OSBPL3: variants seen among roughly 807,000 people sequenced by gnomAD.
OSBPL3 encodes oxysterol-binding protein-related protein 3.
Under a neutral mutation model 120.1 loss-of-function variants are expected in OSBPL3, and 65 were observed. The observed-to-expected ratio is 0.54, with a 90% CI of 0.44 to 0.67. The LOEUF is 0.67. Ranked by LOEUF, OSBPL3 falls within the 30% of genes least tolerant of loss-of-function variation. OSBPL3 has a pLI of 0.00. For missense variants in OSBPL3, 1,004 were observed against 1,082.1 expected (o/e 0.93, Z 1.01); for synonymous variants, 416 against 402.6 (o/e 1.03, Z -0.40).
At chr7:24,941,013 G>C (rs1813039245) in intron 1 of OSBPL3, among the ~76,000 whole-genome samples, 1 of 152,004 alleles carries the variant, frequency 6.6e-6, no homozygotes, top group Non-Finnish European at 1.5e-5. Flanking sequence ...TAGAGACGGG[G>C]TTTCACCATG....
At position 24,873,602 on chromosome 7, in the gene OSBPL3, T is replaced by A. The variant is rs575131789; in HGVS notation, c.97-1533A>T. On this transcript the variant is annotated intron_variant, in intron 2 of 22. Coordinates refer to ENST00000313367, the MANE Select transcript of OSBPL3 (RefSeq NM_015550.4). The surrounding 1 kb of genome is among the most constrained non-coding windows in gnomAD (Gnocchi z 4.1). The stretch of plus-strand genomic sequence containing the variant: ...CTTTTAAATTAGAGGATTTTTTTTT[T>A]AAGGAAGGTAGCAATGTTGAATGAG... 3.3e-5 allele frequency among the ~76,000 whole-genome samples: 5 copies of A among 152,214 alleles called. No individual in the cohort carries two copies. The East Asian group carries it at 9.6e-4, about 29-fold the overall frequency.
rs2128101790 is a variant in OSBPL3 at position 24,805,147 on chromosome 7, A to G, written c.2445-710T>C. 6.6e-6 allele frequency among the ~76,000 whole-genome samples: 1 copy of G among 152,332 alleles called. No homozygotes were observed. Among genetic ancestry groups the G allele is most frequent in the Middle Eastern group, 3.4e-3 (1 of 294 alleles). ...GGATGAAAGGGTGAGTGTGTAATTTATATATTACTGAACTGCCCTTTATGG... is the reference window on the plus strand; with the variant it reads ...GGATGAAAGGGTGAGTGTGTAATTTGTATATTACTGAACTGCCCTTTATGG... On this transcript the variant is annotated intron_variant, in intron 21 of 22. Coordinates refer to ENST00000313367, the MANE Select transcript of OSBPL3 (RefSeq NM_015550.4). This position sits in a 1 kb window ranked among gnomAD's most constrained non-coding sequence, Gnocchi z 4.0.
At chr7:24,846,922 G>A (rs764611698) in intron 12 of OSBPL3, among the ~76,000 whole-genome samples, 1 of 152,098 alleles carries the variant, frequency 6.6e-6, no homozygotes, top group Non-Finnish European at 1.5e-5. Context: ...AATTAGCTGG[G>A]CATGGTGGCA....
rs1806827314 is a variant in OSBPL3 at position 24,900,485 on chromosome 7, G to A, written c.-149-7864C>T. On this transcript the variant is annotated intron_variant, in intron 1 of 22. Transcript: ENST00000313367. This position sits in a 1 kb window ranked among gnomAD's most constrained non-coding sequence, Gnocchi z 4.5. Reference sequence around the variant, plus strand: ...AGAACTTATCAATGAAGATACATGAGGACTTAGTGTACATTTGTCAGGGAT... The same window carrying A: ...AGAACTTATCAATGAAGATACATGAAGACTTAGTGTACATTTGTCAGGGAT... 6.6e-6 allele frequency among the ~76,000 whole-genome samples: 1 copy of A among 152,268 alleles called. No homozygotes were observed. Among genetic ancestry groups the A allele is most frequent in the South Asian group, 2.1e-4 (1 of 4,828 alleles).
intron 1 of OSBPL3, among the ~76,000 whole-genome samples, chr7:24,901,181 G>A (rs1225135741): frequency 3.3e-5 from 5 of 152,038 alleles, no homozygotes; most frequent in Non-Finnish European, 7.4e-5. Flanking sequence ...ACAAACATTA[G>A]CCGGGCACAG....
chr7:24,930,107 G>A lies in OSBPL3; in HGVS notation c.-149-37486C>T, dbSNP rs1177036924. Among the ~76,000 whole-genome samples the A allele has an allele frequency of 6.6e-6, 1 of 152,138 alleles. No individual in the cohort carries two copies. The highest frequency in any genetic ancestry group is 6.5e-5 in the Admixed American group (1 of 15,268). On this transcript the variant is annotated intron_variant, in intron 1 of 22. Coordinates refer to ENST00000313367, the MANE Select transcript of OSBPL3 (RefSeq NM_015550.4). This position sits in a 1 kb window ranked among gnomAD's most constrained non-coding sequence, Gnocchi z 4.4. ...AAAACTTTAGGAGTTAGAAGAAAGG[G>A]TAACTAATGATTTTTTAAGAGGTTA...
At chr7:24,875,148 G>A (rs1302625773) in intron 2 of OSBPL3, among the ~76,000 whole-genome samples, 1 of 152,216 alleles carries the variant, frequency 6.6e-6, no homozygotes, top group African/African-American at 2.4e-5. Context: ...AAAATCACTT[G>A]AGCATGGAAC....
chr7:24,852,583 TTC>T lies in OSBPL3; in HGVS notation c.1077_1078del (p.Lys360ThrfsTer35). ...ATCCTGCTCCATCAGCTGCTTCAGT[TTC>T]TCTCTCTCCGCTGACATGATATTAA... is the stretch of plus-strand genomic sequence containing the variant. On this transcript the variant is annotated frameshift_variant, in exon 11 of 23. Coordinates refer to ENST00000313367, the MANE Select transcript of OSBPL3 (RefSeq NM_015550.4). LOFTEE classifies it high-confidence loss of function. The surrounding 1 kb of genome is among the most constrained non-coding windows in gnomAD (Gnocchi z 4.1). 1 of 1,610,122 alleles carries T rather than the reference TTC, an allele frequency of 6.2e-7. No individual in the cohort carries two copies. The highest frequency in any genetic ancestry group is 1.1e-5 in the South Asian group (1 of 90,386).
rs1383678767 is a variant in OSBPL3 at position 24,808,877 on chromosome 7, G to C, written c.2317+930C>G. On this transcript the variant is annotated intron_variant, in intron 20 of 22. Transcript: ENST00000313367. This position sits in a 1 kb window ranked among gnomAD's most constrained non-coding sequence, Gnocchi z 4.6. The stretch of plus-strand genomic sequence containing the variant: ...AATGTTCCTGAGAAAAGAGAGGCAC[G>C]AGAGAGGAAAGCTCTTTTGTCCTCT... 6.6e-6 allele frequency among the ~76,000 whole-genome samples: 1 copy of C among 152,194 alleles called. No individual in the cohort carries two copies. Among genetic ancestry groups the C allele is most frequent in the Non-Finnish European group, 1.5e-5 (1 of 68,032 alleles).
At chr7:24,956,217 C>G (rs1421579609) in intron 1 of OSBPL3, among the ~76,000 whole-genome samples, 1 of 152,274 alleles carries the variant, frequency 6.6e-6, no homozygotes, top group African/African-American at 2.4e-5. Context: ...GACTGAAATA[C>G]TGCAAAGCCT....
intron 1 of OSBPL3, among the ~76,000 whole-genome samples, chr7:24,905,559 A>C (rs1299934057): frequency 6.6e-6 from 1 of 152,230 alleles, no homozygotes; most frequent in Non-Finnish European, 1.5e-5. Context: ...GAGCTTTTAC[A>C]AAACACTGCT....
chr7:24,933,113 C>T lies in OSBPL3; in HGVS notation c.-149-40492G>A, dbSNP rs924663433. ...TGATTCAGAGAGTAATAACAGGCCA[C>T]GCACGCAGACGCCTGCAGAACTGGG... On this transcript the variant is annotated intron_variant, in intron 1 of 22. Transcript: ENST00000313367. The surrounding 1 kb of genome is among the most constrained non-coding windows in gnomAD (Gnocchi z 5.1). Among the ~76,000 whole-genome samples the T allele has an allele frequency of 1.3e-5, 2 of 152,174 alleles. No individual in the cohort carries two copies. Among genetic ancestry groups the T allele is most frequent in the African/African-American group, 4.8e-5 (2 of 41,420 alleles).
Position 24,938,694 on chromosome 7 carries a change from C to T in OSBPL3, c.-150+41192G>A, listed in dbSNP as rs1353368469. ...GGCTTCCTGGAAGTCCCATACAATA[C>T]TCCTAAATAACATACACAGGCAAGA... On this transcript the variant is annotated intron_variant, in intron 1 of 22. Transcript: ENST00000313367. The surrounding 1 kb of genome is among the most constrained non-coding windows in gnomAD (Gnocchi z 5.8). Among the ~76,000 whole-genome samples the T allele has an allele frequency of 6.6e-6, 1 of 151,766 alleles. No individual in the cohort carries two copies. Among genetic ancestry groups the T allele is most frequent in the Non-Finnish European group, 1.5e-5 (1 of 67,964 alleles).
rs762508355 is a variant in OSBPL3 at position 24,815,052 on chromosome 7, G to A, written c.2172+7C>T. The A allele has an allele frequency of 6.8e-6, 11 of 1,613,702 alleles. No individual in the cohort carries two copies. The highest frequency in any genetic ancestry group is 9.3e-6 in the Non-Finnish European group (11 of 1,179,738). ...AGGGTCAGAGCTCAGAGAGTCACTG[G>A]AGTTACCTTTATAAAATTCACTTTG... On this transcript the variant is annotated splice_region_variant and intron_variant, in intron 19 of 22. Transcript: ENST00000313367. The surrounding 1 kb of genome is among the most constrained non-coding windows in gnomAD (Gnocchi z 5.1).
At chr7:24,909,768 G>GTT (rs66683612) in intron 1 of OSBPL3, among the ~76,000 whole-genome samples, 4,095 of 106,698 alleles carry the variant, frequency 0.038, 69 homozygotes, top group African/African-American at 0.069. Context: ...GAAAGCTACT[G>GTT]TTTTTTTTTT....
In OSBPL3 at chr7:24,935,853, T is replaced by C. The variant is rs2522248; in HGVS notation, c.-149-43232A>G. ...GCAGAGAAAAAGACCAAAAAAAAGG[T>C]ATGTTCTGTATATTCTCGAAGAAGG... On this transcript the variant is annotated intron_variant, in intron 1 of 22. Coordinates refer to ENST00000313367, the MANE Select transcript of OSBPL3 (RefSeq NM_015550.4). Among the ~76,000 whole-genome samples the C allele has an allele frequency of 2.0e-4, 31 of 152,138 alleles. No individual in the cohort carries two copies. In the East Asian group the frequency reaches 2.1e-3, roughly 10 times the overall value.
In OSBPL3 at chr7:24,809,784, G is replaced by T. The variant is rs376836006; in HGVS notation, c.2317+23C>A. 9 of 1,613,012 alleles carry T rather than the reference G, an allele frequency of 5.6e-6. No individual in the cohort carries two copies. In the African/African-American group the frequency reaches 1.1e-4, roughly 19 times the overall value. On this transcript the variant is annotated intron_variant, in intron 20 of 22. Transcript: ENST00000313367. ...ACCCATCCACCCACTCACAGCCTGG[G>T]GTCCACAAACCCAGACACTCACTTG...
intron 19 of OSBPL3, 172 bp from the exon 20 acceptor site, chr7:24,810,123 A>G (rs1793593939): frequency 1.6e-6 from 1 of 624,074 alleles, no homozygotes; most frequent in African/African-American, 1.8e-5. Flanking sequence ...AAATTTATAT[A>G]TTTATCATGT....
chr7:24,938,779 ATGTGTGTGTGTGTG>A lies in OSBPL3; in HGVS notation c.-150+41093_-150+41106del, dbSNP rs142720310. Among the ~76,000 whole-genome samples the A allele has an allele frequency of 4.3e-4, 41 of 94,256 alleles. No individual in the cohort carries two copies. Among genetic ancestry groups the A allele is most frequent in the East Asian group, 2.4e-3 (8 of 3,302 alleles). 61.8% of individuals were successfully genotyped at this position (94,256 alleles called of 152,430 possible). A position where few individuals can be genotyped will look rare whatever the true frequency, so the allele number is the denominator to read the frequency against. ...AACTGAATAATGAGGTTTTGTTTTGATGTGTGTGTGTGTGTGTGTGTGTGTGTGTGTGTGTGTGT... is the reference window on the plus strand; with the variant it reads ...AACTGAATAATGAGGTTTTGTTTTGATGTGTGTGTGTGTGTGTGTGTGTGT... On this transcript the variant is annotated intron_variant, in intron 1 of 22. Coordinates refer to ENST00000313367, the MANE Select transcript of OSBPL3 (RefSeq NM_015550.4). This position sits in a 1 kb window ranked among gnomAD's most constrained non-coding sequence, Gnocchi z 5.8.
Sources: gnomAD v4.1 joint callset for allele counts (sites outside exome capture counted in the v4.1 genomes callset) on GRCh38, gnomAD v4.1.1 for gene constraint, Gnocchi (gnomAD v3.1) non-coding constraint, MANE v1.5 for transcripts, NCBI Gene and HGNC (gene_info 2026-07-23, HGNC 2026-07-21) for gene names.